KIFBP: variants seen among roughly 807,000 people sequenced by gnomAD.
The protein encoded by KIFBP is KIF-binding protein.
In KIFBP, 46 loss-of-function variants were observed where a neutral mutation model predicts 58.9. That is an observed-to-expected ratio of 0.78 (90% CI 0.62 to 1.00). KIFBP has a LOEUF of 1.00. Ranked by LOEUF, KIFBP falls within the 50% of genes least tolerant of loss-of-function variation. The pLI is 0.00. For synonymous variants in KIFBP, 241 were observed against 283.4 expected (o/e 0.85, Z 1.50); for missense variants, 651 against 752.9 (o/e 0.86, Z 1.58).
rs1339753748 is a variant in KIFBP, at chr10:69,015,984, A to G, written c.1434A>G (p.Ala478=). 6.2e-7 allele frequency: 1 copy of G among 1,614,086 alleles called. No homozygotes were observed. The highest frequency in any genetic ancestry group is 1.3e-5 in the African/African-American group (1 of 74,946). Residue 478 remains alanine (A), a synonymous_variant, in exon 7 of 7, where the codon GCA becomes GCG. Coordinates refer to ENST00000361983, the MANE Select transcript of KIFBP (RefSeq NM_015634.4). The stretch of plus-strand genomic sequence containing the variant: ...ACAGACAGATCCAGTTTGAAATTGC[A>G]CATGCTTACTATGATATGATGGATT... ...LVNRQIQFEI[A]HAYYDMMDLK...
chr10:69,008,393 T>A (rs1547805), intron 4 of KIFBP, among the ~76,000 whole-genome samples: 11,165 of 72,336 alleles, frequency 0.15, 568 homozygotes, highest in South Asian at 0.2. Flanking sequence ...AAAAAAAAAA[T>A]ATATATATAT....
chr10:69,002,920 T>C (rs1843484895), intron 2 of KIFBP, among the ~76,000 whole-genome samples: 1 of 144,200 alleles, frequency 6.9e-6, no homozygotes, highest in African/African-American at 2.6e-5. Flanking sequence ...TAAAATAAAA[T>C]GTAAAAGCTG....
At position 69,005,937 on chromosome 10, in the gene KIFBP, T is replaced by G. The variant is rs1339987351; in HGVS notation, c.789+22T>G. 1.9e-6 allele frequency: 3 copies of G among 1,599,894 alleles called. No homozygotes were observed. The East Asian group carries it at 6.7e-5, about 36-fold the overall frequency. On this transcript the variant is annotated intron_variant, in intron 4 of 6. Transcript: ENST00000361983. ...TAAGGTAAGCTTCTTGAAGTAGTTA[T>G]CTAACAGAGTACCAATAGTGAGTAT...
chr10:69,011,178 G>A, intron 6 of KIFBP, 163 bp downstream of exon 6: 2 of 622,406 alleles, frequency 3.2e-6, no homozygotes, highest in East Asian at 3.0e-5. Context: ...CGTATTCTTC[G>A]AATTGCTTGA....
rs1564635605 is a variant in KIFBP, at chr10:69,000,410, T to TC, written c.427-13dup. The stretch of plus-strand genomic sequence containing the variant: ...TTATATCATTGTTTGTTTCTCTTTT[T>TC]CTTTATTTTCCAGAATAACCTGGGT... On this transcript the variant is annotated splice_polypyrimidine_tract_variant and intron_variant, in intron 1 of 6. Coordinates refer to ENST00000361983, the MANE Select transcript of KIFBP (RefSeq NM_015634.4). 1 of 1,544,064 alleles carries TC rather than the reference T, an allele frequency of 6.5e-7. No homozygotes were observed. The highest frequency in any genetic ancestry group is 9.0e-7 in the Non-Finnish European group (1 of 1,116,720).
intron 6 of KIFBP, among the ~76,000 whole-genome samples, chr10:69,014,956 A>G (rs555480170): frequency 6.6e-6 from 1 of 151,986 alleles, no homozygotes; most frequent in African/African-American, 2.4e-5. Context: ...GGAGTCTTGC[A>G]CTGTCACCCA....
rs756709287 is a variant in KIFBP at position 69,016,443 on chromosome 10, G to C, written c.*27G>C. ...CCTTGTTTTTAAAGAAAGGAAATGT[G>C]CAATATTGAAGTGATCTTTTTCCCT... On this transcript the variant is annotated 3_prime_UTR_variant, in exon 7 of 7. Coordinates refer to ENST00000361983, the MANE Select transcript of KIFBP (RefSeq NM_015634.4). 1 of 1,611,542 alleles carries C rather than the reference G, an allele frequency of 6.2e-7. No individual in the cohort carries two copies. The highest frequency in any genetic ancestry group is 1.1e-5 in the South Asian group (1 of 91,018).
At chr10:69,009,042 A>G (rs1843565363) in intron 5 of KIFBP, 117 bp downstream of exon 5, 1 of 752,660 alleles carries the variant, frequency 1.3e-6, no homozygotes, top group Non-Finnish European at 2.3e-6. Flanking sequence ...TTCTAAATGC[A>G]CCAATTTTTA....
In KIFBP at chr10:69,002,585, T is replaced by C. The variant is rs145871815; in HGVS notation, c.525+2063T>C. On this transcript the variant is annotated intron_variant, in intron 2 of 6. Coordinates refer to ENST00000361983, the MANE Select transcript of KIFBP (RefSeq NM_015634.4). ...ACAGTCTTATATGTGAAATTGTTAATTTAAAATGTAAGGTCTGAGGCCAGG... is the reference window on the plus strand; with the variant it reads ...ACAGTCTTATATGTGAAATTGTTAACTTAAAATGTAAGGTCTGAGGCCAGG... Among the ~76,000 whole-genome samples the C allele has an allele frequency of 5.9e-5, 9 of 152,222 alleles. No individual in the cohort carries two copies. In the East Asian group the frequency reaches 1.7e-3, roughly 29 times the overall value.
chr10:68,997,117 C>T (rs919309660), intron 1 of KIFBP, among the ~76,000 whole-genome samples: 1 of 152,090 alleles, frequency 6.6e-6, no homozygotes, highest in African/African-American at 2.4e-5. Context: ...CCTCAGTATC[C>T]AGGACTATAG....
rs372051203 is a variant in KIFBP, at chr10:69,016,173, C to G, written c.1623C>G (p.Arg541=). The G allele has an allele frequency of 2.0e-5, 32 of 1,613,908 alleles. No individual in the cohort carries two copies. Among genetic ancestry groups the G allele is most frequent in the Non-Finnish European group, 2.2e-5 (26 of 1,180,010 alleles). ...AGCATATAGGGGAAGATGTTCTTCG[C>G]CCTGCCATGTTAGCTAAGTTTCGAG... ...FPEHIGEDVL[R]PAMLAKFRVA... is the part of the protein sequence containing the mutation. Residue 541 remains arginine (R), a synonymous_variant, in exon 7 of 7, where the codon CGC becomes CGG. Coordinates refer to ENST00000361983, the MANE Select transcript of KIFBP (RefSeq NM_015634.4).
At chr10:68,998,651 T>A (rs971228279) in intron 1 of KIFBP, among the ~76,000 whole-genome samples, 2 of 150,946 alleles carry the variant, frequency 1.3e-5, no homozygotes, top group African/African-American at 4.9e-5. Flanking sequence ...CAAAAGATGG[T>A]AGAAGGCCAG....
chr10:68,992,004 T>A (rs1304345574), intron 1 of KIFBP, among the ~76,000 whole-genome samples: 1 of 151,962 alleles, frequency 6.6e-6, no homozygotes, highest in Non-Finnish European at 1.5e-5. Context: ...ATTTTTATTT[T>A]TATTTTTGAG....
At chr10:69,000,253 T>C (rs1235695043) in intron 1 of KIFBP, among the ~76,000 whole-genome samples, 171 bp from the exon 2 acceptor site, 1 of 152,214 alleles carries the variant, frequency 6.6e-6, no homozygotes, top group Non-Finnish European at 1.5e-5. Flanking sequence ...GGGTTAATTT[T>C]AGCAGCTACC....
chr10:69,002,986 T>C (rs1391856909), intron 2 of KIFBP, among the ~76,000 whole-genome samples: 1 of 150,228 alleles, frequency 6.7e-6, no homozygotes, highest in Admixed American at 6.7e-5. Context: ...GGTGGGAAGA[T>C]TGCTTGATGC....
At chr10:69,002,817 G>A (rs1843483716) in intron 2 of KIFBP, among the ~76,000 whole-genome samples, 3 of 152,198 alleles carry the variant, frequency 2.0e-5, no homozygotes, top group South Asian at 4.2e-4. Flanking sequence ...GAGTCCGGGA[G>A]GGCAGTCCAG....
chr10:68,989,294 C>T, intron 1 of KIFBP, 36 bp downstream of exon 1: 1 of 1,606,608 alleles, frequency 6.2e-7, no homozygotes, highest in Non-Finnish European at 8.5e-7. Flanking sequence ...CCCCTGTTGG[C>T]AAATGGCGAG....
intron 6 of KIFBP, among the ~76,000 whole-genome samples, chr10:69,015,149 C>T (rs1489101562): frequency 6.6e-6 from 1 of 152,126 alleles, no homozygotes; most frequent in Non-Finnish European, 1.5e-5. Flanking sequence ...GTCTTCAACT[C>T]CTGACCTCGT....
intron 6 of KIFBP, among the ~76,000 whole-genome samples, chr10:69,013,040 G>A (rs950719401): frequency 2.6e-5 from 4 of 151,786 alleles, no homozygotes; most frequent in African/African-American, 9.7e-5. Context: ...GCAAGCAGGA[G>A]AGAGAGAGAG....
Sources: gnomAD v4.1 joint callset for allele counts (sites outside exome capture counted in the v4.1 genomes callset) on GRCh38, gnomAD v4.1.1 for gene constraint, MANE v1.5 for transcripts, NCBI Gene and HGNC (gene_info 2026-07-23, HGNC 2026-07-21) for gene names.